The following PCP4 variants were observed in gnomAD, a reference collection of about 807,000 sequenced individuals.
The protein encoded by PCP4 is calmodulin regulator protein PCP4.
A neutral mutation model predicts 10.0 loss-of-function variants in PCP4; 8 were observed. The ratio of observed to expected loss-of-function variants is 0.80; its 90% CI spans 0.47 to 1.45. The LOEUF (loss-of-function observed/expected upper bound fraction) is 1.45. PCP4 is among the 40% of genes most tolerant of loss of function. The pLI is 0.00. For synonymous variants in PCP4, 21 were observed against 23.0 expected, an observed-to-expected ratio of 0.91 and a Z score of 0.24; for missense variants, 54 against 74.4, an observed-to-expected ratio of 0.73 and a Z score of 1.01.
intron 1 of PCP4, among the ~76,000 whole-genome samples, chr21:39,887,226 A>T (rs2087404612): frequency 6.6e-6 from 1 of 152,206 alleles, no homozygotes; most frequent in Non-Finnish European, 1.5e-5. Context: ...GTAGTATTTG[A>T]GGCAGAATTT....
chr21:39,921,770 A>G (rs1343630383), intron 2 of PCP4, among the ~76,000 whole-genome samples: 1 of 152,214 alleles, frequency 6.6e-6, no homozygotes, highest in Non-Finnish European at 1.5e-5. Flanking sequence ...CTTCATCTCC[A>G]ACTTCTGGCC....
chr21:39,908,670 C>T (rs567486878), intron 2 of PCP4, among the ~76,000 whole-genome samples: 1 of 152,184 alleles, frequency 6.6e-6, no homozygotes, highest in East Asian at 1.9e-4. Flanking sequence ...TGCCTCGGCC[C>T]AAAGGAAAGG....
intron 2 of PCP4, among the ~76,000 whole-genome samples, chr21:39,923,352 T>A (rs1362559787): frequency 6.6e-6 from 1 of 152,196 alleles, no homozygotes; most frequent in Non-Finnish European, 1.5e-5. Flanking sequence ...CTGGTTACAG[T>A]GCAGCATTTT....
chr21:39,906,729 T>G lies in PCP4; in HGVS notation c.61+8202T>G, dbSNP rs2146342199. On this transcript the variant is annotated intron_variant, in intron 2 of 2. Coordinates refer to ENST00000328619, the MANE Select transcript of PCP4 (RefSeq NM_006198.3). The surrounding 1 kb of genome is among the most constrained non-coding windows in gnomAD (Gnocchi z 6.3). ...ATCATACAGAGAAAGCTTATACACC[T>G]TGGTGAAAAAGTAAAGTTATACATT... 6.6e-6 allele frequency among the ~76,000 whole-genome samples: 1 copy of G among 152,290 alleles called. No individual in the cohort carries two copies. The highest frequency in any genetic ancestry group is 2.4e-5 in the African/African-American group (1 of 41,568).
At chr21:39,917,242 C>T (rs920738115) in intron 2 of PCP4, among the ~76,000 whole-genome samples, 3 of 152,204 alleles carry the variant, frequency 2.0e-5, no homozygotes, top group African/African-American at 7.2e-5. Flanking sequence ...CATGTGCCAC[C>T]AGGCAAAGGA....
In PCP4 at chr21:39,927,353, C is replaced by A. The variant is rs28675350; in HGVS notation, c.62-1631C>A. Among the ~76,000 whole-genome samples, 57 of 62,642 alleles carry A rather than the reference C, an allele frequency of 9.1e-4. 1 individual carries two copies. Among genetic ancestry groups the A allele is most frequent in the Middle Eastern group, 7.9e-3 (1 of 126 alleles). 41.1% of individuals were successfully genotyped at this position (62,642 alleles called of 152,430 possible). A position where few individuals can be genotyped will look rare whatever the true frequency, so the allele number is the denominator to read the frequency against. ...TCTATCTATCTGTCTATCTATCTAT[C>A]TATCTATCTATCTATCATCTATCTA... On this transcript the variant is annotated intron_variant, in intron 2 of 2. Coordinates refer to ENST00000328619, the MANE Select transcript of PCP4 (RefSeq NM_006198.3).
chr21:39,870,057 G>C (rs1410237186), intron 1 of PCP4, among the ~76,000 whole-genome samples: 1 of 152,190 alleles, frequency 6.6e-6, no homozygotes, highest in Non-Finnish European at 1.5e-5. Flanking sequence ...GGCTGGAGAG[G>C]ACCCCAAAGT....
intron 2 of PCP4, among the ~76,000 whole-genome samples, chr21:39,903,631 G>A (rs569823171): frequency 1.5e-4 from 23 of 152,150 alleles, no homozygotes; most frequent in Non-Finnish European, 2.4e-4. Flanking sequence ...CACTTTGGGA[G>A]GCCGAGGCGG....
At chr21:39,888,167 G>C (rs569389216) in intron 1 of PCP4, among the ~76,000 whole-genome samples, 1 of 152,274 alleles carries the variant, frequency 6.6e-6, no homozygotes, top group South Asian at 2.1e-4. Context: ...ACACAGCACC[G>C]GGGGATAGAC....
intron 1 of PCP4, among the ~76,000 whole-genome samples, chr21:39,874,614 A>G (rs184767082): frequency 6.6e-6 from 1 of 152,192 alleles, no homozygotes; most frequent in Non-Finnish European, 1.5e-5. Flanking sequence ...GAAACACAGA[A>G]ACACAAGAGG....
intron 1 of PCP4, among the ~76,000 whole-genome samples, chr21:39,890,574 G>A (rs1169880321): frequency 6.6e-6 from 1 of 150,660 alleles, no homozygotes; most frequent in African/African-American, 2.4e-5. Flanking sequence ...TCACCATGTT[G>A]GCCAGGCTGG....
At chr21:39,891,767 G>A (rs778967548) in intron 1 of PCP4, among the ~76,000 whole-genome samples, 19 of 152,210 alleles carry the variant, frequency 1.2e-4, no homozygotes, top group Non-Finnish European at 2.8e-4. Flanking sequence ...TCCCTTTTAG[G>A]TAGCCGAAGC....
chr21:39,898,045 CAAAAAAAAAAA>C (rs780273912), intron 1 of PCP4, among the ~76,000 whole-genome samples: 4 of 74,054 alleles, frequency 5.4e-5, no homozygotes, highest in South Asian at 5.1e-4. Flanking sequence ...GACTCAGTCT[CAAAAAAAAAAA>C]AAAAAAAAAA....
At chr21:39,875,504 G>A (rs61331471) in intron 1 of PCP4, among the ~76,000 whole-genome samples, 5,001 of 152,220 alleles carry the variant, frequency 0.033, 274 homozygotes, top group African/African-American at 0.11. Flanking sequence ...ATAGCAACAA[G>A]CAAAACTTCA....
intron 1 of PCP4, among the ~76,000 whole-genome samples, chr21:39,880,139 T>A (rs1329592525): frequency 9.1e-6 from 1 of 109,292 alleles, no homozygotes; most frequent in African/African-American, 4.8e-5. Context: ...TGTATCTATA[T>A]CTATATCTAT....
intron 2 of PCP4, among the ~76,000 whole-genome samples, chr21:39,914,415 AACAT>A (rs1483525115): frequency 6.6e-6 from 1 of 152,000 alleles, no homozygotes; most frequent in Non-Finnish European, 1.5e-5. Flanking sequence ...CTCTACTAAA[AACAT>A]ACACACACAA....
chr21:39,871,741 G>C (rs554118927), intron 1 of PCP4, among the ~76,000 whole-genome samples: 3 of 152,310 alleles, frequency 2.0e-5, no homozygotes, highest in East Asian at 1.9e-4. Flanking sequence ...TGATTGTTAA[G>C]AGTTGCCATA....
intron 1 of PCP4, among the ~76,000 whole-genome samples, chr21:39,895,943 TACTTTC>T (rs2087454731): frequency 6.6e-6 from 1 of 152,222 alleles, no homozygotes; most frequent in African/African-American, 2.4e-5. Context: ...ATACTTTCAA[TACTTTC>T]AATAACGAGT....
At chr21:39,914,420 A>G (rs2087558026) in intron 2 of PCP4, among the ~76,000 whole-genome samples, 1 of 152,034 alleles carries the variant, frequency 6.6e-6, no homozygotes, top group Non-Finnish European at 1.5e-5. Flanking sequence ...CTAAAAACAT[A>G]CACACACAAA....
Sources: allele counts gnomAD v4.1 joint callset (sites outside exome capture counted in the v4.1 genomes callset), GRCh38; gene constraint gnomAD v4.1.1; non-coding constraint Gnocchi (gnomAD v3.1); transcripts MANE v1.5; gene names NCBI Gene and HGNC (gene_info 2026-07-23, HGNC 2026-07-21).